GLDN: variants seen among roughly 807,000 people sequenced by gnomAD.
GLDN encodes collomin.
GLDN carries 47 observed loss-of-function variants against 56.5 expected under a neutral mutation model. That is an observed-to-expected ratio of 0.83 (90% CI 0.66 to 1.06). The LOEUF is 1.06. GLDN is among the 50% of genes least tolerant of loss of function. The pLI, the probability that GLDN is intolerant of heterozygous loss-of-function variation, is 0.00. For synonymous variants in GLDN, 332 were observed against 278.8 expected (o/e 1.19, Z -1.90); for missense variants, 782 against 714.3 (o/e 1.09, Z -1.08).
chr15:51,387,738 C>T (rs947337827), intron 4 of GLDN, among the ~76,000 whole-genome samples: 1 of 151,966 alleles, frequency 6.6e-6, no homozygotes, highest in Non-Finnish European at 1.5e-5. Context: ...GTGTTGTTTC[C>T]AAGAAAAGGA....
chr15:51,348,328 T>C (rs1490330563), intron 1 of GLDN, among the ~76,000 whole-genome samples: 1 of 132,288 alleles, frequency 7.6e-6, no homozygotes, highest in Admixed American at 7.3e-5. Flanking sequence ...TATTTTTTTA[T>C]TTTATTTTAT....
chr15:51,395,123 T>G, intron 5 of GLDN, 142 bp downstream of exon 5: 1 of 822,726 alleles, frequency 1.2e-6, no homozygotes. Flanking sequence ...TTTGGAGTTC[T>G]ATGCTTTCAA....
chr15:51,391,835 T>C (rs2038028153), intron 4 of GLDN, among the ~76,000 whole-genome samples: 1 of 152,206 alleles, frequency 6.6e-6, no homozygotes, highest in Admixed American at 6.5e-5. Flanking sequence ...TCTACTGTGC[T>C]CCCCCAGTTC....
At chr15:51,394,086 A>G (rs185760082) in intron 4 of GLDN, among the ~76,000 whole-genome samples, 1 of 152,358 alleles carries the variant, frequency 6.6e-6, no homozygotes, top group Admixed American at 6.5e-5. Context: ...TTCAATATCT[A>G]TAAAATGAGA....
chr15:51,372,328 C>A (rs1353071424), intron 1 of GLDN, among the ~76,000 whole-genome samples: 2 of 152,220 alleles, frequency 1.3e-5, no homozygotes, highest in Non-Finnish European at 2.9e-5. Flanking sequence ...CAAACCATAG[C>A]AGCTACCAAA....
chr15:51,395,508 G>A (rs1284647307), intron 5 of GLDN, among the ~76,000 whole-genome samples: 1 of 152,170 alleles, frequency 6.6e-6, no homozygotes, highest in Non-Finnish European at 1.5e-5. Context: ...ATGTGACATG[G>A]GGCTTTACTG....
chr15:51,375,015 C>T (rs1032228312), intron 1 of GLDN, among the ~76,000 whole-genome samples: 1 of 152,176 alleles, frequency 6.6e-6, no homozygotes, highest in African/African-American at 2.4e-5. Context: ...AGACATGATC[C>T]ACCACACCAG....
intron 1 of GLDN, among the ~76,000 whole-genome samples, chr15:51,373,978 T>A (rs1566942343): frequency 6.6e-6 from 1 of 152,232 alleles, no homozygotes; most frequent in Non-Finnish European, 1.5e-5. Flanking sequence ...AGTTTCTAAC[T>A]TTATGGCCAC....
At chr15:51,346,785 G>T (rs1226348317) in intron 1 of GLDN, among the ~76,000 whole-genome samples, 2 of 152,152 alleles carry the variant, frequency 1.3e-5, no homozygotes, top group Non-Finnish European at 2.9e-5. Flanking sequence ...AAACTAGGAG[G>T]CCGGGTGTGG....
chr15:51,359,639 G>GAA (rs1219865740), intron 1 of GLDN, among the ~76,000 whole-genome samples: 156 of 152,260 alleles, frequency 1.0e-3, no homozygotes, highest in African/African-American at 3.6e-3. Context: ...GGGAAAGGAA[G>GAA]AAAACCCTAT....
chr15:51,352,652 G>A (rs2037097078), intron 1 of GLDN, among the ~76,000 whole-genome samples: 1 of 152,172 alleles, frequency 6.6e-6, no homozygotes, highest in African/African-American at 2.4e-5. Flanking sequence ...AGTTCCCCTT[G>A]ATATGGCAAC....
At chr15:51,404,013 C>T (rs1195187006) in intron 9 of GLDN, among the ~76,000 whole-genome samples, 1 of 146,942 alleles carries the variant, frequency 6.8e-6, no homozygotes, top group African/African-American at 2.6e-5. Flanking sequence ...CAAATTCATT[C>T]TGACTTTGGT....
chr15:51,373,875 A>G (rs2037567897), intron 1 of GLDN, among the ~76,000 whole-genome samples: 1 of 152,192 alleles, frequency 6.6e-6, no homozygotes, highest in Non-Finnish European at 1.5e-5. Flanking sequence ...AATGCAAAAT[A>G]TGACTCCTTA....
downstream of GLDN, among the ~76,000 whole-genome samples, chr15:51,410,835 A>G (rs1283647412): frequency 1.3e-5 from 2 of 152,202 alleles, no homozygotes; most frequent in Admixed American, 1.3e-4. Flanking sequence ...TATTTACTGA[A>G]TCTGGCAATC....
rs555370946 is a variant in GLDN, at chr15:51,404,426, A to T, written c.1328A>T (p.Asp443Val). The T allele has an allele frequency of 1.2e-6, 2 of 1,614,176 alleles. No homozygotes were observed. The highest frequency in any genetic ancestry group is 2.2e-5 in the East Asian group (1 of 44,884). Residue 443 changes from aspartate (D) to valine (V), a missense_variant, in exon 10 of 10, where the codon GAC (aspartate) becomes GTC (valine). By Grantham distance (152) the Asp-to-Val change is radical. Transcript: ENST00000335449. ...TGGATTATCTATGCGTCAAGTGTGG[A>T]CGGCTCGAGCATTCTTGTAGCACAA... ...GLWIIYASSV[D>V]GSSILVAQLD...
In GLDN at chr15:51,400,278, A is replaced by G; in HGVS notation, c.901+3A>G. On this transcript the variant is annotated splice_donor_region_variant and intron_variant, in intron 7 of 9. Transcript: ENST00000335449. ...TGAACACCATTCCCCACAAGCAGGT[A>G]TAGAAACAAAGCGTCCTGTCTTGAA... The G allele has an allele frequency of 6.2e-7, 1 of 1,614,226 alleles. No individual in the cohort carries two copies. The highest frequency in any genetic ancestry group is 8.5e-7 in the Non-Finnish European group (1 of 1,180,022).
chr15:51,354,826 T>C lies in GLDN; in HGVS notation c.363+12779T>C, dbSNP rs16964284. ...GGAAGAGTCATAAAGGCTGTGGTTT[T>C]ATAGGAGGACAGATCTGTTGGTGCA... On this transcript the variant is annotated intron_variant, in intron 1 of 9. Coordinates refer to ENST00000335449, the MANE Select transcript of GLDN (RefSeq NM_181789.4). Among the ~76,000 whole-genome samples the C allele has an allele frequency of 8.6e-3, 1,315 of 152,288 alleles. 15 individuals are homozygous for C. The highest frequency in any genetic ancestry group is 0.031 in the African/African-American group (1,269 of 41,556).
chr15:51,383,558 T>C, intron 3 of GLDN, 105 bp downstream of exon 3: 2 of 1,369,640 alleles, frequency 1.5e-6, no homozygotes, highest in East Asian at 2.3e-5. Flanking sequence ...CTGGAGGCAG[T>C]CCTGGCTGTG....
At chr15:51,404,254 T>G in intron 9 of GLDN, 23 bp from the exon 10 acceptor site, 2 of 1,530,400 alleles carry the variant, frequency 1.3e-6, no homozygotes, top group Non-Finnish European at 1.8e-6. Flanking sequence ...TCATGTCTAC[T>G]TTTCTTTGTT....
Sources: gnomAD v4.1 joint callset for allele counts (sites outside exome capture counted in the v4.1 genomes callset) on GRCh38, gnomAD v4.1.1 for gene constraint, MANE v1.5 for transcripts, NCBI Gene and HGNC (gene_info 2026-07-23, HGNC 2026-07-21) for gene names.